The following HELZ variants were observed in gnomAD, a reference collection of about 807,000 sequenced individuals.
The protein encoded by HELZ is helicase with zinc finger.
HELZ carries 23 observed loss-of-function variants against 218.2 expected under a neutral mutation model. That is an observed-to-expected ratio of 0.11 (90% CI 0.08 to 0.15). HELZ has a LOEUF of 0.15. HELZ is among the 10% of genes least tolerant of loss of function. The pLI is 1.00. For missense variants in HELZ, 1,813 were observed against 2,353.7 expected (o/e 0.77, Z 4.75); for synonymous variants, 814 against 829.4 (o/e 0.98, Z 0.32).
chr17:67,173,864 A>G (rs1158975757), intron 13 of HELZ, among the ~76,000 whole-genome samples: 2 of 152,200 alleles, frequency 1.3e-5, no homozygotes, highest in Non-Finnish European at 2.9e-5. Flanking sequence ...TGTGCACCCC[A>G]TACTAGGCCT....
chr17:67,243,088 A>G (rs2041370127), intron 2 of HELZ, among the ~76,000 whole-genome samples: 3 of 152,230 alleles, frequency 2.0e-5, no homozygotes. Context: ...TAGCACAGAA[A>G]ACTATTCACT....
At chr17:67,111,696 T>C (rs1359074059) in intron 28 of HELZ, among the ~76,000 whole-genome samples, 2 of 152,326 alleles carry the variant, frequency 1.3e-5, no homozygotes, top group African/African-American at 2.4e-5. Flanking sequence ...TGAGTATGTA[T>C]AAATTATCTA....
chr17:67,138,061 C>G lies in HELZ; in HGVS notation c.2823G>C (p.Ala941=). The G allele has an allele frequency of 6.2e-7, 1 of 1,613,840 alleles. No individual in the cohort carries two copies. The highest frequency in any genetic ancestry group is 1.1e-5 in the South Asian group (1 of 91,038). ...TACTGCCATCATCTAACTTCCCCCA[C>G]GCTACTGGCCACTTCCTTCTTAACT... is the stretch of plus-strand genomic sequence containing the variant. The part of the protein sequence containing the change: ...VEELRRKWPV[A]WGKLDDGSIG... Residue 941 remains alanine, a synonymous_variant, in exon 22 of 33, where the codon GCG becomes GCC. Transcript: ENST00000358691.
intron 23 of HELZ, among the ~76,000 whole-genome samples, chr17:67,129,472 T>G (rs956600250): frequency 2.0e-5 from 3 of 152,102 alleles, no homozygotes; most frequent in Non-Finnish European, 4.4e-5. Flanking sequence ...TAGTGTTAGA[T>G]GACTAAGAAA....
rs745785499 is a variant in HELZ, at chr17:67,160,279, G to A, written c.2159C>T (p.Pro720Leu). The change falls in exon 17 of 33, where the codon CCC (proline) becomes CTC (leucine). Residue 720 changes from proline to leucine, a missense_variant. Physicochemically the swap from Pro to Leu is moderately conservative, Grantham distance 98 (BLOSUM62 -3). This residue lies in a region of HELZ where 714 missense variants were observed against 1,029.2 expected (regional missense o/e 0.69). Coordinates refer to ENST00000358691, the MANE Select transcript of HELZ (RefSeq NM_014877.4). The part of the protein sequence containing the change: ...YLHPYVEAGN[P>L]QARPLRVYFR... ...AAAATACCTGAGAGGTCTTGCCTGG[G>A]GATTGCCTGCTTCTACATATGGATG... The A allele has an allele frequency of 6.2e-7, 1 of 1,606,016 alleles. No individual in the cohort carries two copies. Among genetic ancestry groups the A allele is most frequent in the South Asian group, 1.1e-5 (1 of 90,884 alleles).
At chr17:67,232,601 T>G (rs1037043431) in intron 3 of HELZ, among the ~76,000 whole-genome samples, 4 of 152,234 alleles carry the variant, frequency 2.6e-5, no homozygotes, top group African/African-American at 9.6e-5. Flanking sequence ...CTAGACCCCA[T>G]GCAGAGACCT....
chr17:67,188,329 A>G lies in HELZ; in HGVS notation c.1152T>C (p.Ala384=). Reference sequence around the variant, plus strand: ...AAGTCTAAATATTACCTTCTGTAGAAGCTGCATCAATCATTACTCTTTGCA... The same window carrying G: ...AAGTCTAAATATTACCTTCTGTAGAGGCTGCATCAATCATTACTCTTTGCA... ...VLMQRVMIDA[A]STEDLEYLMH... The change falls in exon 12 of 33, where the codon GCT becomes GCC. Residue 384 remains alanine (A), a synonymous_variant. Coordinates refer to ENST00000358691, the MANE Select transcript of HELZ (RefSeq NM_014877.4). This position sits in a 1 kb window ranked among gnomAD's most constrained non-coding sequence, Gnocchi z 4.1. The G allele has an allele frequency of 6.2e-7, 1 of 1,608,592 alleles. No homozygotes were observed. Among genetic ancestry groups the G allele is most frequent in the Non-Finnish European group, 8.5e-7 (1 of 1,175,762 alleles).
upstream of HELZ, chr17:67,245,277 C>T (rs2041452938): frequency 1.1e-6 from 1 of 942,902 alleles, no homozygotes; most frequent in Non-Finnish European, 1.3e-6. Flanking sequence ...GGCGCCGCCC[C>T]CTCCGGCCGC....
chr17:67,193,890 A>T, intron 9 of HELZ, 77 bp downstream of exon 9: 1 of 1,018,624 alleles, frequency 9.8e-7, no homozygotes, highest in Non-Finnish European at 1.5e-6. Context: ...AAACCATTTT[A>T]CTCCATTAGA....
chr17:67,182,771 A>G (rs2039649984), intron 12 of HELZ, among the ~76,000 whole-genome samples: 1 of 152,188 alleles, frequency 6.6e-6, no homozygotes, highest in African/African-American at 2.4e-5. Flanking sequence ...ACATTTCCCA[A>G]CTTCCCTTGG....
intron 23 of HELZ, among the ~76,000 whole-genome samples, chr17:67,133,164 CATAAT>C (rs915046876): frequency 9.9e-5 from 15 of 151,922 alleles, no homozygotes; most frequent in Non-Finnish European, 1.6e-4. Flanking sequence ...TTTCACTCAA[CATAAT>C]ATATTTACTT....
intron 5 of HELZ, among the ~76,000 whole-genome samples, chr17:67,212,784 G>A (rs2040491710): frequency 6.6e-6 from 1 of 152,100 alleles, no homozygotes; most frequent in African/African-American, 2.4e-5. Context: ...ACACAGCACT[G>A]CAATGAACAC....
intron 21 of HELZ, among the ~76,000 whole-genome samples, chr17:67,142,287 G>A (rs907893972): frequency 6.6e-6 from 1 of 151,844 alleles, no homozygotes; most frequent in Non-Finnish European, 1.5e-5. Context: ...GAGGTGGATC[G>A]CTTGAGCCCA....
At chr17:67,078,762 G>A (rs1487113964) in intron 32 of HELZ, among the ~76,000 whole-genome samples, 176 bp from the exon 33 acceptor site, 3 of 152,164 alleles carry the variant, frequency 2.0e-5, no homozygotes, top group East Asian at 3.9e-4. Flanking sequence ...CCAACCAAAC[G>A]TCCCTATCTT....
At chr17:67,100,700 A>G (rs1276722121) in intron 31 of HELZ, among the ~76,000 whole-genome samples, 1 of 152,116 alleles carries the variant, frequency 6.6e-6, no homozygotes, top group Non-Finnish European at 1.5e-5. Context: ...TAACAAAAAC[A>G]AAACAAAACA....
intron 27 of HELZ, among the ~76,000 whole-genome samples, chr17:67,117,287 A>T (rs2037456654): frequency 6.6e-6 from 1 of 152,180 alleles, no homozygotes; most frequent in African/African-American, 2.4e-5. Context: ...TGTTCTCTTA[A>T]CACAATGGAA....
intron 2 of HELZ, among the ~76,000 whole-genome samples, chr17:67,240,190 T>C (rs2041283684): frequency 6.6e-6 from 1 of 152,234 alleles, no homozygotes; most frequent in African/African-American, 2.4e-5. Context: ...TTATTACTTA[T>C]CACAGAAAAT....
At chr17:67,150,354 C>T (rs569256347) in intron 18 of HELZ, among the ~76,000 whole-genome samples, 50 of 152,016 alleles carry the variant, frequency 3.3e-4, no homozygotes, top group Middle Eastern at 3.4e-3. Context: ...TGGCTGAACT[C>T]CTGGCCTCAA....
At chr17:67,240,320 G>A (rs2041286344) in intron 2 of HELZ, among the ~76,000 whole-genome samples, 1 of 152,162 alleles carries the variant, frequency 6.6e-6, no homozygotes, top group African/African-American at 2.4e-5. Flanking sequence ...TCTTCCAAAA[G>A]CTAAATGACA....
Sources: gnomAD v4.1 joint callset for allele counts (sites outside exome capture counted in the v4.1 genomes callset) on GRCh38, gnomAD v4.1.1 for gene constraint, gnomAD v4.1.1 regional missense constraint, Gnocchi (gnomAD v3.1) non-coding constraint, MANE v1.5 for transcripts, NCBI Gene and HGNC (gene_info 2026-07-23, HGNC 2026-07-21) for gene names.